Variants in CDH8 observed in about 807,000 individuals in gnomAD.
CDH8 encodes cadherin-8.
In CDH8, 17 loss-of-function variants were observed where a neutral mutation model predicts 68.1. The ratio of observed to expected loss-of-function variants is 0.25; its 90% CI spans 0.17 to 0.37. The LOEUF (loss-of-function observed/expected upper bound fraction) is 0.37. CDH8 is among the 10% of genes least tolerant of loss of function. The pLI is 1.00. For missense variants in CDH8, 763 were observed against 999.3 expected, an observed-to-expected ratio of 0.76 and a Z score of 3.19; for synonymous variants, 372 against 365.1, an observed-to-expected ratio of 1.02 and a Z score of -0.21.
At chr16:61,768,314 TTCTCTCTCTCTCTCTCTCTCTCTCTC>T (rs1206629963) in intron 8 of CDH8, among the ~76,000 whole-genome samples, 3 of 17,204 alleles carry the variant, frequency 1.7e-4, no homozygotes, top group Admixed American at 8.6e-4. Flanking sequence ...GTCTCTCCCT[TTCTCTCTCTCTCTCTCTCTCTCTCTC>T]TCTCTCTCTC....
intron 1 of CDH8, among the ~76,000 whole-genome samples, chr16:62,022,058 C>CT (rs530612456): frequency 2.4e-3 from 359 of 151,182 alleles, no homozygotes; most frequent in East Asian, 4.8e-3. Context: ...CTTTCTTTCA[C>CT]TTTTTTTTTA....
chr16:61,708,132 G>GATT (rs578075914), intron 10 of CDH8, among the ~76,000 whole-genome samples: 8 of 151,774 alleles, frequency 5.3e-5, no homozygotes, highest in Admixed American at 2.6e-4. Flanking sequence ...TTTGTTTTTT[G>GATT]ATTATTATTA....
intron 8 of CDH8, among the ~76,000 whole-genome samples, chr16:61,775,137 G>A (rs1010946371): frequency 6.6e-6 from 1 of 152,172 alleles, no homozygotes; most frequent in Non-Finnish European, 1.5e-5. Context: ...GCCGAAGCAG[G>A]TGAATTGCTT....
At chr16:61,918,655 G>C (rs943117081) in intron 2 of CDH8, 1 of 154,932 alleles carries the variant, frequency 6.5e-6, no homozygotes. Context: ...CACCTGGCTC[G>C]GAGGGTCCTA....
At chr16:61,841,649 A>ATTTTTTTTTTTTT (rs1045418229) in intron 4 of CDH8, among the ~76,000 whole-genome samples, 2 of 152,164 alleles carry the variant, frequency 1.3e-5, no homozygotes, top group Admixed American at 6.5e-5. Context: ...TTAATTGTAC[A>ATTTTTTTTTTTTT]TTTTAAAATA....
intron 3 of CDH8, among the ~76,000 whole-genome samples, chr16:61,876,639 G>T: frequency 6.6e-6 from 1 of 151,966 alleles, no homozygotes; most frequent in South Asian, 2.1e-4. Flanking sequence ...GGAGGCAAAA[G>T]AAGAAACAAG....
chr16:61,923,384 T>C (rs1257801761), intron 2 of CDH8, among the ~76,000 whole-genome samples: 1 of 152,134 alleles, frequency 6.6e-6, no homozygotes, highest in Non-Finnish European at 1.5e-5. Context: ...ATCTTTTTAG[T>C]CCTCAGTGTC....
chr16:61,755,688 G>A (rs1295423485), intron 8 of CDH8, among the ~76,000 whole-genome samples: 3 of 151,620 alleles, frequency 2.0e-5, no homozygotes, highest in East Asian at 1.9e-4. Context: ...TGTTATCCAC[G>A]CATCACACAT....
At chr16:61,692,046 A>T (rs902101310) in intron 10 of CDH8, 2 of 152,128 alleles carry the variant, frequency 1.3e-5, no homozygotes, top group African/African-American at 4.8e-5. Flanking sequence ...TTATCATCCA[A>T]ATACTTTGGG....
intron 7 of CDH8, among the ~76,000 whole-genome samples, chr16:61,797,225 G>GT (rs527892044): frequency 6.7e-4 from 101 of 151,852 alleles, no homozygotes; most frequent in African/African-American, 2.3e-3. Flanking sequence ...ACTCTATTTT[G>GT]TTTTTTTGTA....
chr16:61,727,522 A>G (rs1203147596), intron 8 of CDH8, among the ~76,000 whole-genome samples: 1 of 151,126 alleles, frequency 6.6e-6, no homozygotes, highest in Non-Finnish European at 1.5e-5. Flanking sequence ...TCAATTCTTT[A>G]AAAGAAAAAT....
At chr16:61,790,620 G>A (rs373939194) in intron 7 of CDH8, among the ~76,000 whole-genome samples, 9 of 151,918 alleles carry the variant, frequency 5.9e-5, no homozygotes, top group South Asian at 2.1e-4. Context: ...AGTACTGAGC[G>A]CATTTCTTAT....
intron 3 of CDH8, among the ~76,000 whole-genome samples, chr16:61,898,424 C>G (rs1002307460): frequency 1.3e-5 from 2 of 152,084 alleles, no homozygotes; most frequent in Non-Finnish European, 2.9e-5. Context: ...CCTGAAATCA[C>G]TTGTGATTTG....
At chr16:61,931,743 A>G (rs988637158) in intron 2 of CDH8, among the ~76,000 whole-genome samples, 6 of 152,220 alleles carry the variant, frequency 3.9e-5, no homozygotes, top group African/African-American at 1.4e-4. Context: ...AATGTTAGAC[A>G]AAAATGCTAC....
At chr16:61,710,142 G>A (rs1964605264) in intron 10 of CDH8, among the ~76,000 whole-genome samples, 1 of 152,092 alleles carries the variant, frequency 6.6e-6, no homozygotes, top group African/African-American at 2.4e-5. Context: ...GCCAATTGAT[G>A]TCTAAGTCCT....
chr16:61,964,730 A>G (rs1965217846), intron 2 of CDH8, among the ~76,000 whole-genome samples: 1 of 152,072 alleles, frequency 6.6e-6, no homozygotes, highest in South Asian at 2.1e-4. Context: ...TCTACAGAGC[A>G]CAATCGATTC....
chr16:61,944,956 GA>G (rs200948535), intron 2 of CDH8, among the ~76,000 whole-genome samples: 42 of 150,738 alleles, frequency 2.8e-4, no homozygotes, highest in Middle Eastern at 6.8e-3. Flanking sequence ...ATAAAGGAAA[GA>G]AAAAAAAATG....
At chr16:61,860,055 G>A (rs945382500) in intron 3 of CDH8, among the ~76,000 whole-genome samples, 2 of 152,066 alleles carry the variant, frequency 1.3e-5, no homozygotes, top group African/African-American at 4.8e-5. Context: ...GTTGGCCAGG[G>A]TGGTCTCTAT....
In CDH8 at chr16:61,960,379, G is replaced by GTGTGTGTGTATACACATACATATATACA. The variant is rs1567546773; in HGVS notation, c.253-58934_253-58907dup. Reference sequence around the variant, plus strand: ...TGTGTATACACATACATATATACATGTGTGTGTGTATACACATACATATAT... The same window carrying GTGTGTGTGTATACACATACATATATACA: ...TGTGTATACACATACATATATACATGTGTGTGTGTATACACATACATATATACATGTGTGTGTATACACATACATATAT... On this transcript the variant is annotated intron_variant, in intron 2 of 11. Coordinates refer to ENST00000577390, the MANE Select transcript of CDH8 (RefSeq NM_001796.5). Among the ~76,000 whole-genome samples the GTGTGTGTGTATACACATACATATATACA allele has an allele frequency of 1.4e-3, 118 of 84,140 alleles. 36 individuals are homozygous for GTGTGTGTGTATACACATACATATATACA. The highest frequency in any genetic ancestry group is 8.4e-3 in the African/African-American group (116 of 13,822). 55.2% of individuals were successfully genotyped at this position (84,140 alleles called of 152,430 possible).
Sources: allele counts gnomAD v4.1 joint callset (sites outside exome capture counted in the v4.1 genomes callset), GRCh38; gene constraint gnomAD v4.1.1; transcripts MANE v1.5; gene names NCBI Gene and HGNC (gene_info 2026-07-23, HGNC 2026-07-21).